The following DLG2 variants were observed in gnomAD, a reference collection of about 807,000 sequenced individuals.
DLG2 encodes discs large MAGUK scaffold protein 2.
In DLG2, 45 loss-of-function variants were observed where a neutral mutation model predicts 132.5. The ratio of observed to expected loss-of-function variants is 0.34; its 90% CI spans 0.27 to 0.44. DLG2 has a LOEUF of 0.44. DLG2 is among the 20% of genes least tolerant of loss of function. The pLI, the probability that DLG2 is intolerant of heterozygous loss-of-function variation, is 1.00. For synonymous variants in DLG2, 424 were observed against 419.6 expected (o/e 1.01, Z -0.13); for missense variants, 1,045 against 1,196.9 (o/e 0.87, Z 1.87).
chr11:84,132,899 C>T (rs1397506959), intron 9 of DLG2, among the ~76,000 whole-genome samples: 2 of 151,894 alleles, frequency 1.3e-5, no homozygotes, highest in Admixed American at 6.6e-5. Flanking sequence ...ATTTTTACGG[C>T]ATGAAAATAT....
chr11:83,827,134 C>T (rs546848616), intron 17 of DLG2, among the ~76,000 whole-genome samples: 47 of 152,132 alleles, frequency 3.1e-4, no homozygotes, highest in East Asian at 1.4e-3. Context: ...TGAGGTCTGG[C>T]GGCTCATATG....
chr11:85,575,451 G>C (rs1429197708), intron 3 of DLG2, among the ~76,000 whole-genome samples: 1 of 150,998 alleles, frequency 6.6e-6, no homozygotes, highest in Non-Finnish European at 1.5e-5. Context: ...TGGATGGGAG[G>C]ATTGCTTGAG....
At chr11:84,728,491 C>T (rs1039006577) in intron 6 of DLG2, among the ~76,000 whole-genome samples, 21 of 152,130 alleles carry the variant, frequency 1.4e-4, no homozygotes, top group Non-Finnish European at 2.6e-4. Flanking sequence ...ATTTGGTTTG[C>T]CAGTATTTTA....
chr11:85,325,327 A>T (rs1347450726), intron 3 of DLG2, among the ~76,000 whole-genome samples: 2 of 152,076 alleles, frequency 1.3e-5, no homozygotes, highest in African/African-American at 2.4e-5. Flanking sequence ...CAGGGCACAG[A>T]CAAACAAAAA....
At chr11:83,731,789 G>A (rs577096260) in intron 18 of DLG2, among the ~76,000 whole-genome samples, 3 of 151,968 alleles carry the variant, frequency 2.0e-5, no homozygotes, top group Admixed American at 1.3e-4. Flanking sequence ...CCACAGCCTC[G>A]CCAGCATCTA....
chr11:84,128,512 A>G (rs903616011), intron 9 of DLG2, among the ~76,000 whole-genome samples: 4 of 152,110 alleles, frequency 2.6e-5, no homozygotes, highest in Non-Finnish European at 5.9e-5. Context: ...ACTTGTCCCA[A>G]AAACAATTCT....
intron 3 of DLG2, among the ~76,000 whole-genome samples, chr11:85,466,597 T>C (rs180800783): frequency 4.1e-4 from 63 of 152,316 alleles, no homozygotes; most frequent in African/African-American, 1.5e-3. Flanking sequence ...TTTTGTCAGG[T>C]TTGTCAAAGA....
At chr11:85,175,844 G>T (rs1449207038) in intron 4 of DLG2, among the ~76,000 whole-genome samples, 2 of 152,088 alleles carry the variant, frequency 1.3e-5, no homozygotes. Flanking sequence ...GCCAAATCAT[G>T]AATGAATTCC....
intron 19 of DLG2, among the ~76,000 whole-genome samples, chr11:83,557,359 G>T (rs2096538671): frequency 1.3e-5 from 2 of 152,194 alleles, no homozygotes; most frequent in Admixed American, 1.3e-4. Context: ...AAGACCCCAG[G>T]CTGCTTTTGA....
chr11:84,704,470 G>A (rs1319859685), intron 6 of DLG2, among the ~76,000 whole-genome samples: 1 of 151,300 alleles, frequency 6.6e-6, no homozygotes, highest in East Asian at 2.0e-4. Context: ...TTAATATAAT[G>A]GGACTACCAT....
chr11:85,607,944 G>T (rs913532537), intron 2 of DLG2, among the ~76,000 whole-genome samples: 1 of 152,052 alleles, frequency 6.6e-6, no homozygotes. Flanking sequence ...ACAAGTTTTC[G>T]ACAATGCTTC....
chr11:84,978,862 T>C (rs1592139199), intron 6 of DLG2, among the ~76,000 whole-genome samples: 1 of 152,102 alleles, frequency 6.6e-6, no homozygotes, highest in East Asian at 1.9e-4. Flanking sequence ...GAAACTACCA[T>C]CAGAGTGAAC....
intron 10 of DLG2, among the ~76,000 whole-genome samples, chr11:84,077,453 C>G (rs567412490): frequency 6.6e-6 from 1 of 152,140 alleles, no homozygotes; most frequent in African/African-American, 2.4e-5. Context: ...GCCTCTCCTG[C>G]TTTTCTTCTG....
At chr11:83,968,434 T>C (rs1467031704) in intron 12 of DLG2, among the ~76,000 whole-genome samples, 1 of 152,200 alleles carries the variant, frequency 6.6e-6, no homozygotes, top group African/African-American at 2.4e-5. Context: ...CATTTCAGTG[T>C]CTGGCATTTG....
rs11317554 is a variant in DLG2 at position 85,117,611 on chromosome 11, GAA to G, written c.283-5878_283-5877del. Among the ~76,000 whole-genome samples the G allele has an allele frequency of 3.6e-3, 427 of 120,234 alleles. 3 individuals carry two copies. The highest frequency in any genetic ancestry group is 6.5e-3 in the South Asian group (24 of 3,704). The allele number at this position is 120,234 out of a possible 152,430, so 78.9% of individuals were successfully genotyped here. On this transcript the variant is annotated intron_variant, in intron 5 of 27. Coordinates refer to ENST00000376104, the MANE Select transcript of DLG2 (RefSeq NM_001142699.3). ...TAACCAACTAGTAAATAGGTAAATA[GAA>G]AAAAAAAAAAAAGTAATCGTAAATA...
chr11:85,036,725 T>G (rs1029488058), intron 6 of DLG2, among the ~76,000 whole-genome samples: 10 of 152,340 alleles, frequency 6.6e-5, no homozygotes, highest in Non-Finnish European at 1.3e-4. Context: ...TCTTAAAAAT[T>G]TGTTGAAGTA....
chr11:85,430,917 A>G (rs1308368256), intron 3 of DLG2, among the ~76,000 whole-genome samples: 1 of 151,804 alleles, frequency 6.6e-6, no homozygotes, highest in Non-Finnish European at 1.5e-5. Context: ...GGTTGCAATG[A>G]GCCAAGATTA....
At chr11:84,835,553 G>A (rs1231323157) in intron 6 of DLG2, among the ~76,000 whole-genome samples, 1 of 151,766 alleles carries the variant, frequency 6.6e-6, no homozygotes, top group Non-Finnish European at 1.5e-5. Context: ...TTGTTATGCA[G>A]TGATTTGTCT....
intron 18 of DLG2, among the ~76,000 whole-genome samples, chr11:83,711,844 G>A (rs1407610481): frequency 1.3e-5 from 2 of 151,608 alleles, no homozygotes; most frequent in South Asian, 2.1e-4. Context: ...GACTCTACTT[G>A]GTGAAGCATG....
Sources: allele counts gnomAD v4.1 joint callset (sites outside exome capture counted in the v4.1 genomes callset), GRCh38; gene constraint gnomAD v4.1.1; transcripts MANE v1.5; gene names NCBI Gene and HGNC (gene_info 2026-07-23, HGNC 2026-07-21).